The following ERBB3 variants were observed in gnomAD, a reference collection of about 807,000 sequenced individuals.
ERBB3 encodes the protein receptor tyrosine-protein kinase erbB-3.
A neutral mutation model predicts 156.7 loss-of-function variants in ERBB3; 96 were observed. The ratio of observed to expected loss-of-function variants is 0.61; its 90% CI spans 0.52 to 0.73. ERBB3 has a LOEUF of 0.73. Ranked by LOEUF, ERBB3 falls within the 30% of genes least tolerant of loss-of-function variation. ERBB3 has a pLI of 0.00. For synonymous variants in ERBB3, 567 were observed against 632.0 expected, an observed-to-expected ratio of 0.90 and a Z score of 1.54; for missense variants, 1,406 against 1,709.4, an observed-to-expected ratio of 0.82 and a Z score of 3.13.
Position 56,080,399 on chromosome 12 carries a change from C to T in ERBB3, c.82+17C>T. On this transcript the variant is annotated intron_variant, in intron 1 of 27. Coordinates refer to ENST00000267101, the MANE Select transcript of ERBB3 (RefSeq NM_001982.4). ...CTCAGGCAGGTAAGTGGCGCGAGAG[C>T]ACCGGCGGGCTCGGCACCTGGGAGC... 1 of 1,571,564 alleles carries T rather than the reference C, an allele frequency of 6.4e-7. No individual in the cohort carries two copies. The highest frequency in any genetic ancestry group is 8.7e-7 in the Non-Finnish European group (1 of 1,155,420).
rs1051574014 is a variant in ERBB3, at chr12:56,082,474, G to C, written c.83-1277G>C. On this transcript the variant is annotated intron_variant, in intron 1 of 27. Transcript: ENST00000267101. Reference sequence around the variant, plus strand: ...GCTGGGACTAGCCAACCTTCATGGGGAGTGATAAGGAGCCCTCCAAGGTCA... The same window carrying C: ...GCTGGGACTAGCCAACCTTCATGGGCAGTGATAAGGAGCCCTCCAAGGTCA... 3.3e-5 allele frequency among the ~76,000 whole-genome samples: 5 copies of C among 152,116 alleles called. No individual in the cohort carries two copies. In the South Asian group the frequency reaches 1.0e-3, roughly 32 times the overall value.
Position 56,101,894 on chromosome 12 carries a change from G to T in ERBB3, c.3868G>T (p.Glu1290Ter), listed in dbSNP as rs143742672. 1.2e-6 allele frequency: 2 copies of T among 1,613,552 alleles called. No individual in the cohort carries two copies. Among genetic ancestry groups the T allele is most frequent in the Non-Finnish European group, 1.7e-6 (2 of 1,179,908 alleles). Reference sequence around the variant, plus strand: ...CTGCCCAGCATCTGAGCAAGGGTATGAAGAGATGAGAGCTTTTCAGGGGCC... The same window carrying T: ...CTGCCCAGCATCTGAGCAAGGGTATTAAGAGATGAGAGCTTTTCAGGGGCC... Reference protein sequence around the residue: ...GACPASEQGYEEMRAFQGPGH... With the variant: ...GACPASEQGY Residue 1290 changes from glutamate to a stop codon, truncating the protein, a stop_gained, in exon 28 of 28, where the codon GAA (glutamate) becomes TAA (stop). Transcript: ENST00000267101. LOFTEE classifies it high-confidence loss of function.
rs779725686 is a variant in ERBB3, at chr12:56,088,529, C to A, written c.875-14C>A. 37 of 1,579,610 alleles carry A rather than the reference C, an allele frequency of 2.3e-5. No homozygotes were observed. The highest frequency in any genetic ancestry group is 3.2e-5 in the Non-Finnish European group (37 of 1,148,760). On this transcript the variant is annotated splice_polypyrimidine_tract_variant and intron_variant, in intron 7 of 27. Coordinates refer to ENST00000267101, the MANE Select transcript of ERBB3 (RefSeq NM_001982.4). ...CTCCCTCATCTCTAATGGTGTCCTC[C>A]TCCTCTTCCCTAGATAACTTTGTGG...
Position 56,099,628 on chromosome 12 carries a change from C to T in ERBB3, c.2840-20C>T, listed in dbSNP as rs1396780041. The T allele has an allele frequency of 4.4e-6, 7 of 1,601,250 alleles. No homozygotes were observed. Among genetic ancestry groups the T allele is most frequent in the Non-Finnish European group, 6.0e-6 (7 of 1,168,858 alleles). Reference sequence around the variant, plus strand: ...AATGTATTCTCTTTTATGTCTCTACCTCCTACATCTTATCTCCAGGTTGGA... The same window carrying T: ...AATGTATTCTCTTTTATGTCTCTACTTCCTACATCTTATCTCCAGGTTGGA... On this transcript the variant is annotated intron_variant, in intron 23 of 27. Coordinates refer to ENST00000267101, the MANE Select transcript of ERBB3 (RefSeq NM_001982.4).
chr12:56,086,923 C>T (rs557749599), intron 4 of ERBB3, among the ~76,000 whole-genome samples: 8 of 152,074 alleles, frequency 5.3e-5, no homozygotes, highest in Non-Finnish European at 1.2e-4. Context: ...GGGAGGATCG[C>T]TTGAGCCCAG....
intron 19 of ERBB3, 81 bp downstream of exon 19, chr12:56,096,927 C>A: frequency 7.4e-7 from 1 of 1,344,896 alleles, no homozygotes; most frequent in Non-Finnish European, 1.1e-6. Flanking sequence ...TCCTGTGCTT[C>A]TCAGCAGCTA....
chr12:56,089,168 C>A (rs1175888844), intron 9 of ERBB3: 1 of 474,568 alleles, frequency 2.1e-6, no homozygotes, highest in South Asian at 1.5e-5. Flanking sequence ...GGGTCTTGCT[C>A]TGTCACCTAG....
At position 56,102,041 on chromosome 12, in the gene ERBB3, G is replaced by A; in HGVS notation, c.4015G>A (p.Ala1339Thr). The part of the protein sequence containing the change: ...WHSRLFPKAN[A>T]QRT ...TAGCAGGCTTTTCCCCAAGGCTAAT[G>A]CCCAGAGAACGTAACTCCTGCTCCC... The change falls in exon 28 of 28, where the codon GCC becomes ACC. Residue 1339 changes from alanine (A) to threonine (T), a missense_variant. Coordinates refer to ENST00000267101, the MANE Select transcript of ERBB3 (RefSeq NM_001982.4). The A allele has an allele frequency of 6.2e-7, 1 of 1,609,670 alleles. No homozygotes were observed. Among genetic ancestry groups the A allele is most frequent in the Non-Finnish European group, 8.5e-7 (1 of 1,179,940 alleles).
chr12:56,086,440 G>C (rs1237573979), intron 3 of ERBB3, 91 bp from the exon 4 acceptor site: 5 of 1,491,634 alleles, frequency 3.4e-6, no homozygotes, highest in Non-Finnish European at 4.7e-6. Context: ...TCCCACTCCT[G>C]AGTCTCAGGT....
intron 23 of ERBB3, among the ~76,000 whole-genome samples, chr12:56,099,182 C>T (rs1304416488): frequency 6.6e-6 from 1 of 151,856 alleles, no homozygotes; most frequent in Admixed American, 6.6e-5. Flanking sequence ...TCTCAAACTC[C>T]TGACCTCAGG....
rs877636 is a variant in ERBB3 at position 56,086,799 on chromosome 12, G to A, written c.547+143G>A. The A allele has an allele frequency of 0.67, 625,617 of 939,426 alleles. 212,481 individuals carry two copies. The highest frequency in any genetic ancestry group is 0.79 in the East Asian group (32,363 of 40,782). The allele number at this position is 939,426 out of a possible 1,614,324, so 58.2% of individuals were successfully genotyped here. A position where few individuals can be genotyped will look rare whatever the true frequency, so the allele number is the denominator to read the frequency against. Reference sequence around the variant, plus strand: ...GTCCCTGACTCAGCAGCCCACCAGGGCAGACCATTCCAGTCTCCTGGAATC... The same window carrying A: ...GTCCCTGACTCAGCAGCCCACCAGGACAGACCATTCCAGTCTCCTGGAATC... On this transcript the variant is annotated intron_variant, in intron 4 of 27. Coordinates refer to ENST00000267101, the MANE Select transcript of ERBB3 (RefSeq NM_001982.4).
rs746899911 is a variant in ERBB3 at position 56,099,972 on chromosome 12, C to T, written c.3072C>T (p.Thr1024=). The change falls in exon 25 of 28, where the codon ACC becomes ACT. Residue 1024 remains threonine, a synonymous_variant. Transcript: ENST00000267101. The part of the protein sequence containing the change: ...DLEAEEDNLA[T]TTLGSALSLP... ...AAGCAGAGGAGGACAACCTGGCAAC[C>T]ACCACACTGGGCTCCGCCCTCAGCC... The T allele has an allele frequency of 2.5e-6, 4 of 1,614,250 alleles. No individual in the cohort carries two copies. The Admixed American group carries it at 6.7e-5, about 27-fold the overall frequency.
chr12:56,086,238 T>C (rs1277422777), intron 3 of ERBB3, among the ~76,000 whole-genome samples: 1 of 152,064 alleles, frequency 6.6e-6, no homozygotes, highest in Non-Finnish European at 1.5e-5. Flanking sequence ...GGAAAACATA[T>C]GGGCAGGGCT....
In ERBB3 at chr12:56,086,607, C is replaced by G. The variant is rs879027206; in HGVS notation, c.498C>G (p.Ile166Met). ...CHMDTIDWRDIVRDRDAEIVV... is the reference protein window; with the variant it reads ...CHMDTIDWRDMVRDRDAEIVV... ...TGGACACAATTGACTGGAGGGACATCGTGAGGGACCGAGATGCTGAGATAG... is the reference window on the plus strand; with the variant it reads ...TGGACACAATTGACTGGAGGGACATGGTGAGGGACCGAGATGCTGAGATAG... The change falls in exon 4 of 28, where the codon ATC becomes ATG. Residue 166 changes from isoleucine (I) to methionine (M), a missense_variant. By Grantham distance (10) the Ile-to-Met change is conservative. Coordinates refer to ENST00000267101, the MANE Select transcript of ERBB3 (RefSeq NM_001982.4). The G allele has an allele frequency of 6.2e-7, 1 of 1,613,978 alleles. No homozygotes were observed. The highest frequency in any genetic ancestry group is 1.7e-5 in the Admixed American group (1 of 59,998).
In ERBB3 at chr12:56,093,826, G is replaced by T; in HGVS notation, c.1543G>T (p.Gly515Cys). ...SSGGCWGPGP[G>C]QCLSCRNYSR... ...TGGGGGATGCTGGGGCCCAGGCCCT[G>T]GTCAGTGCTTGTCCTGTCGAAATTA... Residue 515 changes from glycine to cysteine, a missense_variant, in exon 13 of 28, where the codon GGT becomes TGT. Coordinates refer to ENST00000267101, the MANE Select transcript of ERBB3 (RefSeq NM_001982.4). 1 of 1,614,070 alleles carries T rather than the reference G, an allele frequency of 6.2e-7. No homozygotes were observed. Among genetic ancestry groups the T allele is most frequent in the Non-Finnish European group, 8.5e-7 (1 of 1,179,990 alleles).
intron 9 of ERBB3, among the ~76,000 whole-genome samples, chr12:56,089,617 T>C (rs1014765233): frequency 3.9e-4 from 60 of 152,032 alleles, no homozygotes; most frequent in African/African-American, 1.4e-3. Context: ...GTGGTGCACA[T>C]GCCTGTAATC....
chr12:56,095,191 T>A, intron 15 of ERBB3, 66 bp from the exon 16 acceptor site: 2 of 1,213,592 alleles, frequency 1.6e-6, no homozygotes, highest in South Asian at 2.4e-5. Flanking sequence ...CTTTTATATG[T>A]TAGGCTGTTG....
At chr12:56,098,949 T>A in intron 23 of ERBB3, 44 bp downstream of exon 23, 1 of 1,550,608 alleles carries the variant, frequency 6.4e-7, no homozygotes, top group African/African-American at 1.4e-5. Context: ...TTTTTTCTTT[T>A]TTTTTCTTTT....
intron 3 of ERBB3, 127 bp downstream of exon 3, chr12:56,085,308 T>C (rs1868441869): frequency 6.4e-7 from 1 of 1,572,066 alleles, no homozygotes; most frequent in Admixed American, 1.8e-5. Flanking sequence ...TTGGCCGCTG[T>C]CTAAAGGTCC....
Sources: allele counts gnomAD v4.1 joint callset (sites outside exome capture counted in the v4.1 genomes callset), GRCh38; gene constraint gnomAD v4.1.1; transcripts MANE v1.5; gene names NCBI Gene and HGNC (gene_info 2026-07-23, HGNC 2026-07-21).